TSBP1: variants seen among roughly 807,000 people sequenced by gnomAD.
The protein encoded by TSBP1 is testis expressed basic protein 1, also known as testis-expressed basic protein 1.
Under a neutral mutation model 68.8 loss-of-function variants are expected in TSBP1, and 56 were observed. That is an observed-to-expected ratio of 0.81 (90% CI 0.66 to 1.02). The LOEUF is 1.02. Among genes scored for constraint, TSBP1 ranks in the 50% least tolerant of loss-of-function variants. TSBP1 has a pLI of 0.00. For synonymous variants in TSBP1, 171 were observed against 208.7 expected, an observed-to-expected ratio of 0.82 and a Z score of 1.56; for missense variants, 502 against 641.2, an observed-to-expected ratio of 0.78 and a Z score of 2.34.
At chr6:32,346,686 A>G (rs1350593116) in intron 9 of TSBP1, among the ~76,000 whole-genome samples, 1 of 152,072 alleles carries the variant, frequency 6.6e-6, no homozygotes, top group African/African-American at 2.4e-5. Flanking sequence ...AAAAATACAA[A>G]AATTAGCTGG....
At chr6:32,331,121 A>G (rs1768967415) in intron 15 of TSBP1, among the ~76,000 whole-genome samples, 1 of 152,218 alleles carries the variant, frequency 6.6e-6, no homozygotes, top group African/African-American at 2.4e-5. Context: ...TTAGGAGATT[A>G]TTAACCCTGT....
At chr6:32,312,517 G>C (rs184902863) in intron 19 of TSBP1, among the ~76,000 whole-genome samples, 1 of 152,268 alleles carries the variant, frequency 6.6e-6, no homozygotes, top group Non-Finnish European at 1.5e-5. Flanking sequence ...TGATAGGAAG[G>C]AGACACATGG....
chr6:32,324,606 A>G (rs1028199630), intron 16 of TSBP1: 8 of 1,474,286 alleles, frequency 5.4e-6, no homozygotes, highest in Admixed American at 2.3e-5. Context: ...CTTGGACTCC[A>G]CTAGAGACCG....
In TSBP1 at chr6:32,337,464, C is replaced by A. The variant is rs926720865; in HGVS notation, c.410-829G>T. On this transcript the variant is annotated intron_variant, in intron 11 of 22. Transcript: ENST00000612031. The surrounding 1 kb of genome is among the most constrained non-coding windows in gnomAD (Gnocchi z 5.5). Reference sequence around the variant, plus strand: ...GCTTAGCTAGAATCTATAGCCTCATCTGAAGGAGACAGTGGGAATTGCTGT... The same window carrying A: ...GCTTAGCTAGAATCTATAGCCTCATATGAAGGAGACAGTGGGAATTGCTGT... 7.9e-5 allele frequency among the ~76,000 whole-genome samples: 12 copies of A among 152,192 alleles called. No homozygotes were observed. The highest frequency in any genetic ancestry group is 1.6e-4 in the Non-Finnish European group (11 of 68,026).
chr6:32,318,673 T>G (rs28732189), intron 18 of TSBP1, among the ~76,000 whole-genome samples: 10,347 of 152,258 alleles, frequency 0.068, 407 homozygotes, highest in South Asian at 0.099. Context: ...TGATTCCATT[T>G]ATATGAAATG....
At chr6:32,293,790 C>G in exon 23 of TSBP1, 2 of 1,613,032 alleles carry the variant, frequency 1.2e-6, no homozygotes, top group Non-Finnish European at 1.7e-6. Flanking sequence ...GCGTCACTGT[C>G]TACCTTGACC....
chr6:32,321,130 G>C lies in TSBP1; in HGVS notation c.559+1987C>G, dbSNP rs147897050. 6.7e-3 allele frequency among the ~76,000 whole-genome samples: 1,017 copies of C among 152,256 alleles called. 18 individuals are homozygous for C. Among genetic ancestry groups the C allele is most frequent in the East Asian group, 0.02 (103 of 5,182 alleles). On this transcript the variant is annotated intron_variant, in intron 18 of 22. Coordinates refer to ENST00000612031, the Ensembl canonical transcript of TSBP1. This position sits in a 1 kb window ranked among gnomAD's most constrained non-coding sequence, Gnocchi z 4.3. ...TTCCATGTATTTGCTATTGTGAATAGTTCTGTGTTTAACATAACTGTGCAT... is the reference window on the plus strand; with the variant it reads ...TTCCATGTATTTGCTATTGTGAATACTTCTGTGTTTAACATAACTGTGCAT...
Position 32,325,483 on chromosome 6 carries a change from C to T in TSBP1, c.515-1869G>A, listed in dbSNP as rs1768125469. ...GGAAGAGCTGTGGAACCAAAGAGAG[C>T]TGTCTCAAGAGAAGATTCTCAAATA... On this transcript the variant is annotated intron_variant, in intron 16 of 22. Transcript: ENST00000612031. This position sits in a 1 kb window ranked among gnomAD's most constrained non-coding sequence, Gnocchi z 4.4. 1.1e-6 allele frequency: 1 copy of T among 898,252 alleles called. No homozygotes were observed. Among genetic ancestry groups the T allele is most frequent in the Non-Finnish European group, 1.8e-6 (1 of 543,182 alleles). 55.6% of individuals were successfully genotyped at this position (898,252 alleles called of 1,614,324 possible).
intron 6 of TSBP1, among the ~76,000 whole-genome samples, chr6:32,363,785 C>T (rs1773335516): frequency 6.6e-6 from 1 of 151,942 alleles, no homozygotes; most frequent in African/African-American, 2.4e-5. Context: ...ACCATCATTA[C>T]AGTATTAGAA....
intron 19 of TSBP1, among the ~76,000 whole-genome samples, chr6:32,310,163 T>A (rs574324890): frequency 4.2e-4 from 64 of 152,270 alleles, no homozygotes; most frequent in Admixed American, 1.4e-3. Flanking sequence ...TTAACATGAT[T>A]TTTTGCAGGT....
Position 32,335,562 on chromosome 6 carries a change from C to G in TSBP1, c.452-105G>C. ...TACTTTCCCTAGTAGGAATCTGCAT[C>G]ACTATTGTCAAGTTCAGCTGCAGTT... is the stretch of plus-strand genomic sequence containing the variant. On this transcript the variant is annotated intron_variant, in intron 13 of 22. Transcript: ENST00000612031. This position sits in a 1 kb window ranked among gnomAD's most constrained non-coding sequence, Gnocchi z 5.5. 1.1e-6 allele frequency: 1 copy of G among 921,694 alleles called. No homozygotes were observed. Among genetic ancestry groups the G allele is most frequent in the Non-Finnish European group, 1.4e-6 (1 of 692,204 alleles). 57.1% of individuals were successfully genotyped at this position (921,694 alleles called of 1,614,324 possible). A position where few individuals can be genotyped will look rare whatever the true frequency, so the allele number is the denominator to read the frequency against.
Position 32,299,876 on chromosome 6 carries a change from A to C in TSBP1, c.637+46T>G, listed in dbSNP as rs1361986332. 2.0e-6 allele frequency: 3 copies of C among 1,512,088 alleles called. No homozygotes were observed. The South Asian group carries it at 3.4e-5, about 17-fold the overall frequency. 93.7% of individuals were successfully genotyped at this position (1,512,088 alleles called of 1,614,324 possible). On this transcript the variant is annotated intron_variant, in intron 22 of 22. Transcript: ENST00000612031. ...GAAACAGACAGGTCACAAAAGAATT[A>C]AAAGCAATGTAAAATATCAGAGTTG...
At chr6:32,323,799 A>G in intron 16 of TSBP1, 185 bp from the exon 18 acceptor site, 1 of 617,288 alleles carries the variant, frequency 1.6e-6, no homozygotes, top group Non-Finnish European at 2.9e-6. Flanking sequence ...ACTTCATGGA[A>G]TTTTGATGAT....
At position 32,325,886 on chromosome 6, in the gene TSBP1, G is replaced by A; in HGVS notation, c.515-2272C>T. ...TTTGATCATGGAGGAAACTTCAGTG[G>A]TTGTGGTGGCTTTGGTGGCAGCTGT... On this transcript the variant is annotated intron_variant, in intron 16 of 22. Transcript: ENST00000612031. The surrounding 1 kb of genome is among the most constrained non-coding windows in gnomAD (Gnocchi z 4.4). The A allele has an allele frequency of 6.6e-7, 1 of 1,504,610 alleles. No homozygotes were observed. 93.2% of individuals were successfully genotyped at this position (1,504,610 alleles called of 1,614,324 possible).
At chr6:32,293,517 T>A (rs756842414) in exon 23 of TSBP1, 3 of 1,611,984 alleles carry the variant, frequency 1.9e-6, no homozygotes, top group Non-Finnish European at 2.5e-6. Context: ...CCAGACTGAC[T>A]CTTCTTTACT....
rs929249554 is a variant in TSBP1, at chr6:32,326,322, T to C, written c.515-2708A>G. The C allele has an allele frequency of 2.4e-5, 15 of 629,346 alleles. 1 individual carries two copies. Among genetic ancestry groups the C allele is most frequent in the Admixed American group, 6.5e-5 (3 of 46,130 alleles). The allele number at this position is 629,346 out of a possible 1,614,324, so 39.0% of individuals were successfully genotyped here. A position where few individuals can be genotyped will look rare whatever the true frequency, so the allele number is the denominator to read the frequency against. ...AAGACATGTTTTAGACAAATACTCATGTGTATGGGCAAAAAACTCGAGGAC... is the reference window on the plus strand; with the variant it reads ...AAGACATGTTTTAGACAAATACTCACGTGTATGGGCAAAAAACTCGAGGAC... On this transcript the variant is annotated intron_variant, in intron 16 of 22. Transcript: ENST00000612031.
rs1767573302 is a variant in TSBP1, at chr6:32,321,017, C to T, written c.559+2100G>A. Among the ~76,000 whole-genome samples the T allele has an allele frequency of 6.6e-6, 1 of 152,102 alleles. No homozygotes were observed. The highest frequency in any genetic ancestry group is 2.1e-4 in the South Asian group (1 of 4,820). ...CGTGTTCCAGCAAAGGACATGATCTCATTCTTTTTTTGGCTGCGTAGTATT... is the reference window on the plus strand; with the variant it reads ...CGTGTTCCAGCAAAGGACATGATCTTATTCTTTTTTTGGCTGCGTAGTATT... On this transcript the variant is annotated intron_variant, in intron 18 of 22. Transcript: ENST00000612031. The surrounding 1 kb of genome is among the most constrained non-coding windows in gnomAD (Gnocchi z 4.3).
At chr6:32,345,627 G>T (rs1470324069) in intron 9 of TSBP1, among the ~76,000 whole-genome samples, 2 of 151,990 alleles carry the variant, frequency 1.3e-5, no homozygotes, top group Non-Finnish European at 2.9e-5. Context: ...ACAGAGCCTG[G>T]AGCATAATGC....
intron 22 of TSBP1, among the ~76,000 whole-genome samples, chr6:32,298,655 T>C (rs1764958615): frequency 6.6e-6 from 1 of 152,192 alleles, no homozygotes; most frequent in Non-Finnish European, 1.5e-5. Context: ...CCACTCTCTT[T>C]CTAGTGTGAA....
Sources: allele counts gnomAD v4.1 joint callset (sites outside exome capture counted in the v4.1 genomes callset), GRCh38; gene constraint gnomAD v4.1.1; non-coding constraint Gnocchi (gnomAD v3.1); transcripts MANE v1.5; gene names NCBI Gene and HGNC (gene_info 2026-07-23, HGNC 2026-07-21).